Variants in ERBB4 observed in about 807,000 individuals in gnomAD.
ERBB4 encodes receptor tyrosine-protein kinase erbB-4.
ERBB4 carries 42 observed loss-of-function variants against 158.0 expected under a neutral mutation model. The ratio of observed to expected loss-of-function variants is 0.27; its 90% CI spans 0.21 to 0.34. The LOEUF (loss-of-function observed/expected upper bound fraction) is 0.34. Ranked by LOEUF, ERBB4 falls within the 10% of genes least tolerant of loss-of-function variation. The probability of loss-of-function intolerance (pLI) is 1.00; values close to 1 mark genes in which losing one functional copy is unlikely to be tolerated. For missense variants in ERBB4, 1,333 were observed against 1,624.1 expected (o/e 0.82, Z 3.08); for synonymous variants, 583 against 558.7 (o/e 1.04, Z -0.61).
Position 211,379,030 on chromosome 2 carries a change from A to ACAAT in ERBB4, c.*4581_*4584dup, listed in dbSNP as rs1458227045. ...ACATGGATTTCTCATTTGCCCTATAACAATCATCATTCTAATAACTAAAGT... is the reference window on the plus strand; with the variant it reads ...ACATGGATTTCTCATTTGCCCTATAACAATCAATCATCATTCTAATAACTAAAGT... On this transcript the variant is annotated 3_prime_UTR_variant, in exon 28 of 28. Transcript: ENST00000342788. 4.3e-6 allele frequency: 1 copy of ACAAT among 231,664 alleles called. No homozygotes were observed. Among genetic ancestry groups the ACAAT allele is most frequent in the Non-Finnish European group, 8.5e-6 (1 of 117,184 alleles). The allele number at this position is 231,664 out of a possible 1,614,324, so 14.4% of individuals were successfully genotyped here. A position where few individuals can be genotyped will look rare whatever the true frequency, so the allele number is the denominator to read the frequency against.
intron 20 of ERBB4, among the ~76,000 whole-genome samples, chr2:211,522,500 T>G (rs1406343746): frequency 2.6e-5 from 4 of 152,182 alleles, no homozygotes; most frequent in African/African-American, 9.6e-5. Context: ...TGAACATTAT[T>G]GAAATGACAA....
chr2:212,455,894 G>T (rs1688266142), intron 1 of ERBB4, among the ~76,000 whole-genome samples: 1 of 151,872 alleles, frequency 6.6e-6, no homozygotes, highest in African/African-American at 2.4e-5. Flanking sequence ...ATGTTCAAGG[G>T]ACCATGCTAG....
chr2:211,481,919 T>C (rs936366093), intron 20 of ERBB4, among the ~76,000 whole-genome samples: 13 of 152,120 alleles, frequency 8.5e-5, no homozygotes, highest in African/African-American at 2.7e-4. Flanking sequence ...ACTCAAGACA[T>C]TGAATATCAG....
chr2:211,909,176 A>C (rs957318853), intron 3 of ERBB4, among the ~76,000 whole-genome samples: 1 of 151,776 alleles, frequency 6.6e-6, no homozygotes, highest in Non-Finnish European at 1.5e-5. Flanking sequence ...AAATATCCAT[A>C]AGCTATTTCA....
intron 1 of ERBB4, among the ~76,000 whole-genome samples, chr2:212,504,994 T>C (rs1307734647): frequency 1.3e-5 from 2 of 152,222 alleles, no homozygotes; most frequent in Non-Finnish European, 2.9e-5. Context: ...AGTAATACAA[T>C]GCATTCTTAG....
At chr2:211,734,982 T>C (rs1200856728) in intron 5 of ERBB4, among the ~76,000 whole-genome samples, 2 of 148,542 alleles carry the variant, frequency 1.3e-5, no homozygotes, top group African/African-American at 5.0e-5. Flanking sequence ...AAATATAATG[T>C]GAAGTGAAAC....
intron 1 of ERBB4, among the ~76,000 whole-genome samples, chr2:212,235,100 T>C (rs2083813593): frequency 6.6e-6 from 1 of 152,226 alleles, no homozygotes; most frequent in Non-Finnish European, 1.5e-5. Flanking sequence ...AGGGTTTTTA[T>C]GGTTTTAGGC....
chr2:211,743,935 G>T (rs2074878573), intron 5 of ERBB4, among the ~76,000 whole-genome samples: 1 of 152,148 alleles, frequency 6.6e-6, no homozygotes, highest in African/African-American at 2.4e-5. Context: ...GGGTCATGGT[G>T]CTCTAACATC....
rs1553555083 is a variant in ERBB4, at chr2:211,515,912, ATT to A, written c.2487+45989_2487+45990del. On this transcript the variant is annotated intron_variant, in intron 20 of 27. Transcript: ENST00000342788. ...AAACATATATTATATATATATATAT[ATT>A]TTTTTTTTTTTTTTTTTTGAGGCGG... Among the ~76,000 whole-genome samples, 505 of 78,946 alleles carry A rather than the reference ATT, an allele frequency of 6.4e-3. 8 individuals carry two copies. Among genetic ancestry groups the A allele is most frequent in the African/African-American group, 0.021 (376 of 17,548 alleles). 51.8% of individuals were successfully genotyped at this position (78,946 alleles called of 152,430 possible).
chr2:212,499,373 A>C (rs1263372874), intron 1 of ERBB4, among the ~76,000 whole-genome samples: 1 of 152,126 alleles, frequency 6.6e-6, no homozygotes, highest in Non-Finnish European at 1.5e-5. Flanking sequence ...GTACCAACTT[A>C]ATGAAGACCT....
intron 1 of ERBB4, among the ~76,000 whole-genome samples, chr2:212,489,215 T>C (rs1324689440): frequency 1.3e-5 from 2 of 152,044 alleles, no homozygotes; most frequent in South Asian, 2.1e-4. Context: ...CCCATGAAGA[T>C]ATTTTCTTAA....
rs56041067 is a variant in ERBB4, at chr2:211,561,990, G to A, written c.2400C>T (p.Pro800=). Residue 800 remains proline (P), a synonymous_variant, in exon 20 of 28, where the codon CCC becomes CCT. Coordinates refer to ENST00000342788, the MANE Select transcript of ERBB4 (RefSeq NM_005235.3). Reference sequence around the variant, plus strand: ...GGACATACTCCAACAGGCAGCCATGGGGCATAAGTTGAGTAACCAGCTGGA... The same window carrying A: ...GGACATACTCCAACAGGCAGCCATGAGGCATAAGTTGAGTAACCAGCTGGA... The part of the protein sequence containing the change: ...PTIQLVTQLM[P]HGCLLEYVHE... 2.4e-5 allele frequency: 38 copies of A among 1,613,966 alleles called. No homozygotes were observed. Among genetic ancestry groups the A allele is most frequent in the Admixed American group, 3.3e-5 (2 of 59,980 alleles).
chr2:212,295,466 G>A (rs973231919), intron 1 of ERBB4, among the ~76,000 whole-genome samples: 1 of 151,978 alleles, frequency 6.6e-6, no homozygotes, highest in African/African-American at 2.4e-5. Flanking sequence ...GTTTCTCTCT[G>A]TTTCAAATGA....
chr2:212,532,329 C>T (rs375531511), intron 1 of ERBB4, among the ~76,000 whole-genome samples: 6 of 152,184 alleles, frequency 3.9e-5, no homozygotes, highest in Admixed American at 2.0e-4. Context: ...GGAATGTCAA[C>T]GGCAGGGGCC....
chr2:211,981,118 C>G (rs1384103156), intron 2 of ERBB4, among the ~76,000 whole-genome samples: 1 of 152,010 alleles, frequency 6.6e-6, no homozygotes, highest in Non-Finnish European at 1.5e-5. Context: ...ACCAGGAATG[C>G]AACCTGTGAT....
chr2:212,021,014 A>G (rs753687603), intron 2 of ERBB4, among the ~76,000 whole-genome samples: 3 of 152,184 alleles, frequency 2.0e-5, no homozygotes, highest in Non-Finnish European at 4.4e-5. Flanking sequence ...AGACAGATCC[A>G]TATACTTTAC....
At position 212,127,100 on chromosome 2, in the gene ERBB4, T is replaced by C. The variant is rs73071220; in HGVS notation, c.83-2197A>G. On this transcript the variant is annotated intron_variant, in intron 1 of 27. Transcript: ENST00000342788. The stretch of plus-strand genomic sequence containing the variant: ...AGACAAGTTGAAGTCCTAATTCCCA[T>C]TACTTAGAATGTGACCTTACTTGGA... Among the ~76,000 whole-genome samples the C allele has an allele frequency of 3.5e-3, 532 of 152,310 alleles. 2 individuals are homozygous for C. The highest frequency in any genetic ancestry group is 0.012 in the African/African-American group (507 of 41,568).
chr2:212,191,843 CATGTTAT>C (rs1559705014), intron 1 of ERBB4, among the ~76,000 whole-genome samples: 3 of 136,912 alleles, frequency 2.2e-5, no homozygotes, highest in Admixed American at 7.6e-5. Flanking sequence ...ATATATAATA[CATGTTAT>C]ATATGTTCTA....
intron 1 of ERBB4, among the ~76,000 whole-genome samples, chr2:212,399,536 TTATATATACATATATATATATATATATA>T (rs11275220): frequency 9.6e-5 from 2 of 20,794 alleles, no homozygotes; most frequent in African/African-American, 1.9e-4. Context: ...GATATATATT[TTATATATACATATATATATATATATATA>T]TATATATATA....
Sources: allele counts gnomAD v4.1 joint callset (sites outside exome capture counted in the v4.1 genomes callset), GRCh38; gene constraint gnomAD v4.1.1; transcripts MANE v1.5; gene names NCBI Gene and HGNC (gene_info 2026-07-23, HGNC 2026-07-21).